Variants in GABRR1 observed in about 807,000 individuals in gnomAD.
GABRR1 encodes the protein gamma-aminobutyric acid receptor subunit rho-1.
A neutral mutation model predicts 55.5 loss-of-function variants in GABRR1; 59 were observed. The observed-to-expected ratio is 1.06, with a 90% CI of 0.86 to 1.32. The LOEUF (loss-of-function observed/expected upper bound fraction) is 1.32, where lower values mean the gene tolerates loss of function less well. Ranked by LOEUF, GABRR1 falls within the 40% of genes most tolerant of loss-of-function variation. The pLI is 0.00. For synonymous variants in GABRR1, 213 were observed against 226.0 expected, an observed-to-expected ratio of 0.94 and a Z score of 0.51; for missense variants, 602 against 619.1, an observed-to-expected ratio of 0.97 and a Z score of 0.29.
chr6:89,209,811 T>C (rs1772767433), intron 1 of GABRR1, among the ~76,000 whole-genome samples: 1 of 152,158 alleles, frequency 6.6e-6, no homozygotes, highest in Non-Finnish European at 1.5e-5. Context: ...CTTGGGCAGG[T>C]TACCTGATCT....
chr6:89,206,932 C>T (rs1772668041), intron 1 of GABRR1, among the ~76,000 whole-genome samples: 1 of 152,042 alleles, frequency 6.6e-6, no homozygotes, highest in East Asian at 1.9e-4. Flanking sequence ...CGTTACACAT[C>T]TCTGTAAAAC....
chr6:89,230,690 T>C (rs1320109183), intron 1 of GABRR1, among the ~76,000 whole-genome samples: 1 of 151,400 alleles, frequency 6.6e-6, no homozygotes, highest in East Asian at 1.9e-4. Context: ...GACATTTAAG[T>C]CTGCAGAGGT....
At chr6:89,206,785 TA>T (rs3047113) in intron 1 of GABRR1, among the ~76,000 whole-genome samples, 3 of 149,580 alleles carry the variant, frequency 2.0e-5, no homozygotes, top group Admixed American at 6.7e-5. Flanking sequence ...CCAGCTAATT[TA>T]AAAAAAAAAA....
intron 3 of GABRR1, among the ~76,000 whole-genome samples, chr6:89,199,753 T>C (rs1011744806): frequency 6.6e-6 from 1 of 152,196 alleles, no homozygotes; most frequent in Non-Finnish European, 1.5e-5. Flanking sequence ...ATTCTCTATA[T>C]TTGCCTTCTG....
intron 6 of GABRR1, 120 bp downstream of exon 6, chr6:89,190,045 C>CA (rs879031533): frequency 0.087 from 40,112 of 459,870 alleles, no homozygotes; most frequent in East Asian, 0.11. Flanking sequence ...GACTCCATCT[C>CA]AAAAAAAAAA....
At chr6:89,201,044 A>G in intron 3 of GABRR1, 115 bp downstream of exon 3, 1 of 747,790 alleles carries the variant, frequency 1.3e-6, no homozygotes, top group Non-Finnish European at 2.3e-6. Context: ...CACCAAGCAC[A>G]ACTGAGGCAG....
At chr6:89,187,419 A>G (rs1771939962) in intron 6 of GABRR1, among the ~76,000 whole-genome samples, 1 of 152,172 alleles carries the variant, frequency 6.6e-6, no homozygotes, top group Admixed American at 6.5e-5. Flanking sequence ...TTGCCATTGT[A>G]TATTCTCCCA....
intron 6 of GABRR1, among the ~76,000 whole-genome samples, 179 bp from the exon 7 acceptor site, chr6:89,185,629 T>C (rs1321534604): frequency 1.3e-5 from 2 of 152,142 alleles, no homozygotes; most frequent in Non-Finnish European, 2.9e-5. Context: ...ACAAATCTAA[T>C]TATCTCCACT....
chr6:89,194,281 T>A (rs1203160107), intron 5 of GABRR1, among the ~76,000 whole-genome samples: 1 of 152,156 alleles, frequency 6.6e-6, no homozygotes, highest in East Asian at 1.9e-4. Flanking sequence ...GATAATCCCT[T>A]CAGGACCTCC....
At chr6:89,222,372 C>T (rs1773127389) in intron 1 of GABRR1, among the ~76,000 whole-genome samples, 1 of 152,226 alleles carries the variant, frequency 6.6e-6, no homozygotes, top group African/African-American at 2.4e-5. Flanking sequence ...TTCCTGTAAA[C>T]CCACTTTGTG....
At chr6:89,190,137 G>GC in intron 6 of GABRR1, 28 bp downstream of exon 6, 1 of 1,529,858 alleles carries the variant, frequency 6.5e-7, no homozygotes, top group Admixed American at 1.7e-5. Context: ...GGAGCTGTGT[G>GC]CTGATGCCCG....
rs755754709 is a variant in GABRR1, at chr6:89,180,515, T to C, written c.950-27A>G. Reference sequence around the variant, plus strand: ...TGCAAACACAAGAATGAGAAACAAGTGTTTGCTTGTCTTTCACCAAACACA... The same window carrying C: ...TGCAAACACAAGAATGAGAAACAAGCGTTTGCTTGTCTTTCACCAAACACA... On this transcript the variant is annotated intron_variant, in intron 8 of 9. Coordinates refer to ENST00000454853, the MANE Select transcript of GABRR1 (RefSeq NM_002042.5). 2.5e-5 allele frequency: 40 copies of C among 1,608,120 alleles called. No homozygotes were observed. In the East Asian group the frequency reaches 6.2e-4, roughly 25 times the overall value.
chr6:89,211,882 TC>T (rs1772842989), intron 1 of GABRR1, among the ~76,000 whole-genome samples: 1 of 152,142 alleles, frequency 6.6e-6, no homozygotes, highest in African/African-American at 2.4e-5. Flanking sequence ...ATGCTGCTCT[TC>T]CCCAAGGTCT....
intron 7 of GABRR1, among the ~76,000 whole-genome samples, chr6:89,184,432 G>T (rs961663970): frequency 6.6e-6 from 1 of 152,032 alleles, no homozygotes; most frequent in Non-Finnish European, 1.5e-5. Flanking sequence ...GCAACAGGAG[G>T]GGGTGAGCCT....
chr6:89,187,911 A>C (rs1771961973), intron 6 of GABRR1, among the ~76,000 whole-genome samples: 1 of 152,198 alleles, frequency 6.6e-6, no homozygotes, highest in Non-Finnish European at 1.5e-5. Context: ...AGCAATTGTG[A>C]ATAGAACTGC....
upstream of GABRR1, chr6:89,221,418 AG>A (rs959542300): frequency 2.0e-5 from 3 of 152,238 alleles, no homozygotes; most frequent in African/African-American, 7.2e-5. Context: ...TTACATCTGT[AG>A]ATTCAACCAA....
chr6:89,189,517 G>A (rs968931137), intron 6 of GABRR1, among the ~76,000 whole-genome samples: 2 of 114,294 alleles, frequency 1.7e-5, no homozygotes, highest in African/African-American at 3.3e-5. Context: ...GTGGTGGGGT[G>A]GGGGGAGGGG....
chr6:89,190,410 C>G (rs373689031), intron 5 of GABRR1, among the ~76,000 whole-genome samples, 163 bp from the exon 6 acceptor site: 1 of 152,148 alleles, frequency 6.6e-6, no homozygotes, highest in African/African-American at 2.4e-5. Flanking sequence ...TGAGTGATAC[C>G]ATCACTGGAG....
intron 1 of GABRR1, among the ~76,000 whole-genome samples, chr6:89,215,748 A>T (rs772286354): frequency 5.9e-5 from 9 of 152,230 alleles, no homozygotes; most frequent in South Asian, 2.1e-4. Context: ...TCCACACTGT[A>T]TGTATAGATC....
Sources: allele counts gnomAD v4.1 joint callset (sites outside exome capture counted in the v4.1 genomes callset), GRCh38; gene constraint gnomAD v4.1.1; transcripts MANE v1.5; gene names NCBI Gene and HGNC (gene_info 2026-07-23, HGNC 2026-07-21).